The following RAD50 variants were observed in gnomAD, a reference collection of about 807,000 sequenced individuals.
The protein encoded by RAD50 is DNA repair protein RAD50.
Under a neutral mutation model 168.8 loss-of-function variants are expected in RAD50, and 132 were observed. The observed-to-expected ratio is 0.78, with a 90% CI of 0.68 to 0.90. RAD50 has a LOEUF of 0.90. RAD50 is among the 40% of genes least tolerant of loss of function. RAD50 has a pLI of 0.00. For missense variants in RAD50, 1,347 were observed against 1,534.4 expected (o/e 0.88, Z 2.04); for synonymous variants, 525 against 497.4 (o/e 1.06, Z -0.74).
chr5:132,588,114 G>T (rs748446737), intron 7 of RAD50, 25 bp downstream of exon 7: 3 of 1,594,546 alleles, frequency 1.9e-6, no homozygotes, highest in Non-Finnish European at 2.6e-6. Context: ...TTATTTGGTC[G>T]TTTTTCCTAC....
chr5:132,611,217 C>A (rs1159507341), intron 19 of RAD50, among the ~76,000 whole-genome samples: 4 of 151,734 alleles, frequency 2.6e-5, no homozygotes, highest in Non-Finnish European at 5.9e-5. Flanking sequence ...ATGGTAAAAC[C>A]CCATCTCTAC....
In RAD50 at chr5:132,588,841, G is replaced by C; in HGVS notation, c.1206G>C (p.Glu402Asp). The C allele has an allele frequency of 6.2e-7, 1 of 1,613,966 alleles. No individual in the cohort carries two copies. The highest frequency in any genetic ancestry group is 1.3e-5 in the African/African-American group (1 of 75,000). ...AAAATTTTCACAAACTTGTGAGAGAGAGACAAGAAGGGGAAGCAAAAACTG... is the reference window on the plus strand; with the variant it reads ...AAAATTTTCACAAACTTGTGAGAGACAGACAAGAAGGGGAAGCAAAAACTG... ...QIKNFHKLVRERQEGEAKTAN... is the reference protein window; with the variant it reads ...QIKNFHKLVRDRQEGEAKTAN... Residue 402 changes from glutamate (E) to aspartate (D), a missense_variant, in exon 8 of 25, where the codon GAG becomes GAC. Coordinates refer to ENST00000378823, the MANE Select transcript of RAD50 (RefSeq NM_005732.4).
intron 2 of RAD50, 83 bp downstream of exon 2, chr5:132,559,450 T>C: frequency 7.1e-7 from 1 of 1,405,368 alleles, no homozygotes; most frequent in Non-Finnish European, 9.7e-7. Context: ...ACTGGAAAAC[T>C]ATAAAGAGAA....
At chr5:132,622,318 T>C (rs1751300106) in intron 21 of RAD50, among the ~76,000 whole-genome samples, 1 of 151,896 alleles carries the variant, frequency 6.6e-6, no homozygotes, top group African/African-American at 2.4e-5. Context: ...ATGCCACCAC[T>C]CGGCTAATTT....
At chr5:132,615,877 C>G (rs1051271625) in intron 19 of RAD50, 126 bp from the exon 20 acceptor site, 2 of 951,380 alleles carry the variant, frequency 2.1e-6, no homozygotes, top group African/African-American at 3.3e-5. Flanking sequence ...GCTTATTCTC[C>G]CTCTGTTGAA....
In RAD50 at chr5:132,642,555, G is replaced by A; in HGVS notation, c.*191G>A. 1 of 636,258 alleles carries A rather than the reference G, an allele frequency of 1.6e-6. No homozygotes were observed. 39.4% of individuals were successfully genotyped at this position (636,258 alleles called of 1,614,324 possible). A position where few individuals can be genotyped will look rare whatever the true frequency, so the allele number is the denominator to read the frequency against. ...TCACTGAAAATTGGACAGATTGCCT[G>A]TTTCTGATTTGCTGCTCTTCATCCC... is the stretch of plus-strand genomic sequence containing the variant. On this transcript the variant is annotated 3_prime_UTR_variant, in exon 25 of 25. Transcript: ENST00000378823.
intron 16 of RAD50, among the ~76,000 whole-genome samples, chr5:132,606,712 A>G (rs1472478949): frequency 6.6e-6 from 1 of 152,222 alleles, no homozygotes; most frequent in African/African-American, 2.4e-5. Context: ...TCGATGCAAA[A>G]ATCCTCAATA....
chr5:132,588,902 A>AT (rs543110752), intron 8 of RAD50, 22 bp downstream of exon 8: 5 of 1,590,840 alleles, frequency 3.1e-6, no homozygotes, highest in Non-Finnish European at 4.3e-6. Context: ...GAAATACAGT[A>AT]TTTGTTATTT....
Position 132,591,798 on chromosome 5 carries a change from A to G in RAD50, c.1636-79A>G, listed in dbSNP as rs1750704335. 5 of 1,023,274 alleles carry G rather than the reference A, an allele frequency of 4.9e-6. No individual in the cohort carries two copies. The East Asian group carries it at 1.3e-4, about 27-fold the overall frequency. The allele number at this position is 1,023,274 out of a possible 1,614,324, so 63.4% of individuals were successfully genotyped here. On this transcript the variant is annotated intron_variant, in intron 10 of 24. Transcript: ENST00000378823. ...TAGTTTTAAGCTTAGAACTTTAGTC[A>G]GTCTAGAATTTATTTTTGTTCTTGA...
intron 21 of RAD50, among the ~76,000 whole-genome samples, chr5:132,631,264 G>T (rs752018441): frequency 6.6e-6 from 1 of 151,852 alleles, no homozygotes; most frequent in African/African-American, 2.4e-5. Flanking sequence ...GGGATTACAG[G>T]TGCCCACCAC....
chr5:132,634,425 T>A (rs773793501), intron 21 of RAD50, among the ~76,000 whole-genome samples: 8 of 152,162 alleles, frequency 5.3e-5, no homozygotes, highest in Non-Finnish European at 1.0e-4. Flanking sequence ...TCTGGCTATC[T>A]CATTAGTCTG....
intron 23 of RAD50, among the ~76,000 whole-genome samples, chr5:132,639,412 C>T (rs1246284145): frequency 6.6e-6 from 1 of 150,694 alleles, no homozygotes; most frequent in Non-Finnish European, 1.5e-5. Context: ...TCAGCCTAGA[C>T]AGCTGATCCC....
intron 21 of RAD50, among the ~76,000 whole-genome samples, chr5:132,633,900 TA>T (rs200473006): frequency 0.012 from 1,755 of 140,544 alleles, 41 homozygotes; most frequent in African/African-American, 0.048. Flanking sequence ...TAACGGGTAA[TA>T]ATTTTTTTTT....
chr5:132,568,789 A>G (rs1750253419), intron 2 of RAD50, among the ~76,000 whole-genome samples: 1 of 152,242 alleles, frequency 6.6e-6, no homozygotes, highest in Admixed American at 6.5e-5. Flanking sequence ...ACAAAATGGT[A>G]GAGGTAATTT....
chr5:132,641,023 CCCAGACACATCCTGCAGCT>C lies in RAD50; in HGVS notation c.3752+221_3752+239del, dbSNP rs1480965787. 2.0e-5 allele frequency among the ~76,000 whole-genome samples: 3 copies of C among 152,192 alleles called. No homozygotes were observed. In the East Asian group the frequency reaches 5.8e-4, roughly 29 times the overall value. On this transcript the variant is annotated intron_variant, in intron 24 of 24. Coordinates refer to ENST00000378823, the MANE Select transcript of RAD50 (RefSeq NM_005732.4). ...AAGGAACTAGATGGTGAACAGCAGC[CCCAGACACATCCTGCAGCT>C]CCCCAAGTGTGTTCACAGGGAGAGA...
At chr5:132,578,530 T>C (rs1308729588) in intron 3 of RAD50, among the ~76,000 whole-genome samples, 3 of 142,040 alleles carry the variant, frequency 2.1e-5, no homozygotes, top group African/African-American at 7.9e-5. Context: ...CTTTCTTTTT[T>C]TTTTTTTTTT....
At chr5:132,579,591 A>C in intron 4 of RAD50, 89 bp downstream of exon 4, 1 of 1,381,306 alleles carries the variant, frequency 7.2e-7, no homozygotes, top group Non-Finnish European at 1.0e-6. Flanking sequence ...GAAAAAATTT[A>C]AAAAGCAGAA....
intron 21 of RAD50, among the ~76,000 whole-genome samples, chr5:132,620,872 A>C (rs1367877971): frequency 2.0e-5 from 3 of 152,182 alleles, no homozygotes; most frequent in Non-Finnish European, 2.9e-5. Flanking sequence ...GACAAGAAAA[A>C]ATTATAAGGG....
intron 2 of RAD50, among the ~76,000 whole-genome samples, chr5:132,568,383 G>A (rs1461849483): frequency 1.3e-5 from 2 of 151,916 alleles, no homozygotes; most frequent in Middle Eastern, 3.4e-3. Flanking sequence ...ACGCCCGACC[G>A]GATTTTTTTA....
Sources: gnomAD v4.1 joint callset for allele counts (sites outside exome capture counted in the v4.1 genomes callset) on GRCh38, gnomAD v4.1.1 for gene constraint, MANE v1.5 for transcripts, NCBI Gene and HGNC (gene_info 2026-07-23, HGNC 2026-07-21) for gene names.